The following KSR2 variants were observed in gnomAD, a reference collection of about 807,000 sequenced individuals.
KSR2 encodes kinase suppressor of ras 2.
KSR2 carries 25 observed loss-of-function variants against 107.8 expected under a neutral mutation model. That is an observed-to-expected ratio of 0.23 (90% confidence interval 0.17 to 0.32). The LOEUF is 0.32. Among genes scored for constraint, KSR2 ranks in the 10% least tolerant of loss-of-function variants. The probability of loss-of-function intolerance (pLI) is 1.00; values close to 1 mark genes in which losing one functional copy is unlikely to be tolerated. For synonymous variants in KSR2, 480 were observed against 507.0 expected, an observed-to-expected ratio of 0.95 and a Z score of 0.71; for missense variants, 887 against 1,268.9, an observed-to-expected ratio of 0.70 and a Z score of 4.57.
rs1885228054 is a variant in KSR2 at position 117,678,345 on chromosome 12, C to A, written c.987-10687G>T. On this transcript the variant is annotated intron_variant, in intron 4 of 19. Coordinates refer to ENST00000339824, the MANE Select transcript of KSR2 (RefSeq NM_173598.6). ...CCACTCTGGTGCCAGAAAGAGGATA[C>A]TACCCCCACCCCGCCCCCACCAACC... Among the ~76,000 whole-genome samples, 3 of 152,124 alleles carry A rather than the reference C, an allele frequency of 2.0e-5. No individual in the cohort carries two copies. The South Asian group carries it at 6.2e-4, about 32-fold the overall frequency.
At chr12:117,829,187 C>T (rs1285012472) in intron 3 of KSR2, among the ~76,000 whole-genome samples, 2 of 152,176 alleles carry the variant, frequency 1.3e-5, no homozygotes, top group East Asian at 1.9e-4. Context: ...TTTCATCTCC[C>T]TAATCCTCTT....
intron 3 of KSR2, among the ~76,000 whole-genome samples, chr12:117,781,459 G>A (rs1593229945): frequency 2.0e-5 from 3 of 152,266 alleles, no homozygotes; most frequent in Admixed American, 2.0e-4. Flanking sequence ...GATGGGGAGA[G>A]GGAAGGGGGA....
intron 1 of KSR2, among the ~76,000 whole-genome samples, chr12:117,877,463 T>A (rs1294630951): frequency 3.9e-5 from 6 of 152,328 alleles, no homozygotes; most frequent in Middle Eastern, 3.4e-3. Context: ...GCTAGCCCTG[T>A]GCCTACTGCT....
chr12:117,735,185 C>CT (rs1244214055), intron 4 of KSR2, among the ~76,000 whole-genome samples: 1 of 152,212 alleles, frequency 6.6e-6, no homozygotes, highest in African/African-American at 2.4e-5. Context: ...AGGAATTGTT[C>CT]TGTCTCCCCA....
intron 1 of KSR2, among the ~76,000 whole-genome samples, chr12:117,876,469 CT>C (rs757935272): frequency 2.6e-5 from 4 of 152,200 alleles, no homozygotes; most frequent in Non-Finnish European, 5.9e-5. Context: ...AAGAGCCCCC[CT>C]CTCCGCTGTC....
chr12:117,915,065 T>G (rs755718308), intron 1 of KSR2, among the ~76,000 whole-genome samples: 1 of 152,358 alleles, frequency 6.6e-6, no homozygotes, highest in Non-Finnish European at 1.5e-5. Context: ...CAACAGGCTG[T>G]GTCTGTATTA....
chr12:117,656,400 G>A (rs185887191), intron 5 of KSR2, among the ~76,000 whole-genome samples: 53 of 152,212 alleles, frequency 3.5e-4, no homozygotes, highest in African/African-American at 1.3e-3. Flanking sequence ...ACCTGAGGTT[G>A]GGAGTTCGAG....
At chr12:117,896,302 G>A (rs1041359450) in intron 1 of KSR2, among the ~76,000 whole-genome samples, 1 of 152,142 alleles carries the variant, frequency 6.6e-6, no homozygotes, top group African/African-American at 2.4e-5. Flanking sequence ...TGATTCCACT[G>A]AAATAAAATG....
At chr12:117,665,853 G>C (rs1884636623) in intron 5 of KSR2, among the ~76,000 whole-genome samples, 1 of 152,240 alleles carries the variant, frequency 6.6e-6, no homozygotes, top group Non-Finnish European at 1.5e-5. Flanking sequence ...AATAACTGGG[G>C]TTCAAACCCA....
At chr12:117,504,540 C>T (rs751017441) in intron 14 of KSR2, among the ~76,000 whole-genome samples, 1 of 152,156 alleles carries the variant, frequency 6.6e-6, no homozygotes, top group African/African-American at 2.4e-5. Flanking sequence ...CATAGGCACT[C>T]TAGCTTCTAT....
intron 3 of KSR2, among the ~76,000 whole-genome samples, chr12:117,848,834 A>AACAAC (rs1555249461): frequency 1.0e-4 from 14 of 133,824 alleles, no homozygotes; most frequent in Admixed American, 2.4e-4. Flanking sequence ...TGATGGTGGT[A>AACAAC]GTGGTGGTGA....
rs1894561704 is a variant in KSR2 at position 117,897,860 on chromosome 12, T to C, written c.181-37429A>G. Among the ~76,000 whole-genome samples, 1 of 152,150 alleles carries C rather than the reference T, an allele frequency of 6.6e-6. No individual in the cohort carries two copies. Among genetic ancestry groups the C allele is most frequent in the African/African-American group, 2.4e-5 (1 of 41,422 alleles). ...TATGAAAACACCCCCACAGAAGTTT[T>C]AGTTGGCTTGAGAATATAGCCACCC... On this transcript the variant is annotated intron_variant, in intron 1 of 19. Coordinates refer to ENST00000339824, the MANE Select transcript of KSR2 (RefSeq NM_173598.6). The surrounding 1 kb of genome is among the most constrained non-coding windows in gnomAD (Gnocchi z 4.5).
chr12:117,836,258 T>C (rs997534548), intron 3 of KSR2, among the ~76,000 whole-genome samples: 1 of 152,146 alleles, frequency 6.6e-6, no homozygotes, highest in Non-Finnish European at 1.5e-5. Context: ...GTACCCATCA[T>C]GGAGTGGACT....
At chr12:117,595,093 C>T (rs1880554595) in intron 5 of KSR2, among the ~76,000 whole-genome samples, 1 of 152,166 alleles carries the variant, frequency 6.6e-6, no homozygotes, top group Non-Finnish European at 1.5e-5. Flanking sequence ...ACCCTCCCAG[C>T]CCATCCAGGG....
intron 4 of KSR2, among the ~76,000 whole-genome samples, chr12:117,722,536 C>T (rs1364468162): frequency 1.3e-5 from 2 of 152,200 alleles, no homozygotes; most frequent in Non-Finnish European, 2.9e-5. Context: ...TAGTCGTCCT[C>T]ACTGCTACAC....
intron 5 of KSR2, among the ~76,000 whole-genome samples, chr12:117,667,138 G>A (rs552813490): frequency 6.6e-6 from 1 of 152,336 alleles, no homozygotes; most frequent in South Asian, 2.1e-4. Flanking sequence ...AAGAGGGAGA[G>A]AGAGGGCGGG....
At chr12:117,484,293 C>T (rs1872334805) in intron 16 of KSR2, 123 bp downstream of exon 16, 1 of 1,071,990 alleles carries the variant, frequency 9.3e-7, no homozygotes, top group East Asian at 2.6e-5. Context: ...GCAGCTGCCC[C>T]ACTCAGCTCA....
chr12:117,667,376 G>C, intron 5 of KSR2, 98 bp downstream of exon 5: 1 of 1,163,784 alleles, frequency 8.6e-7, no homozygotes, highest in Non-Finnish European at 1.2e-6. Flanking sequence ...TTGAGATAAA[G>C]AAGAGAGAGT....
At chr12:117,472,861 C>T (rs1051242845) in intron 17 of KSR2, among the ~76,000 whole-genome samples, 14 of 152,142 alleles carry the variant, frequency 9.2e-5, no homozygotes, top group African/African-American at 3.4e-4. Flanking sequence ...TATTCTGATG[C>T]TTTGACTACT....
Sources: allele counts gnomAD v4.1 joint callset (sites outside exome capture counted in the v4.1 genomes callset), GRCh38; gene constraint gnomAD v4.1.1; non-coding constraint Gnocchi (gnomAD v3.1); transcripts MANE v1.5; gene names NCBI Gene and HGNC (gene_info 2026-07-23, HGNC 2026-07-21).